ZNF609: variants seen among roughly 807,000 people sequenced by gnomAD.
The protein encoded by ZNF609 is zinc finger protein 609.
In ZNF609, 11 loss-of-function variants were observed where a neutral mutation model predicts 109.5. The ratio of observed to expected loss-of-function variants is 0.10; its 90% CI spans 0.06 to 0.17. The LOEUF (loss-of-function observed/expected upper bound fraction) is 0.17. ZNF609 is among the 10% of genes least tolerant of loss of function. The pLI is 1.00. For missense variants in ZNF609, 1,559 were observed against 1,772.4 expected (o/e 0.88, Z 2.16); for synonymous variants, 646 against 662.0 (o/e 0.98, Z 0.37).
At chr15:64,552,880 C>T (rs960057910) in intron 2 of ZNF609, among the ~76,000 whole-genome samples, 1 of 152,162 alleles carries the variant, frequency 6.6e-6, no homozygotes, top group Non-Finnish European at 1.5e-5. Context: ...CTCCTGGCCT[C>T]AAGCAGTCCT....
intron 2 of ZNF609, among the ~76,000 whole-genome samples, chr15:64,584,782 C>T (rs1895167389): frequency 1.3e-5 from 2 of 151,498 alleles, no homozygotes; most frequent in South Asian, 4.2e-4. Context: ...GTGCATGCCA[C>T]CACACCCAGC....
At chr15:64,463,834 G>T (rs923209570) in intron 1 of ZNF609, among the ~76,000 whole-genome samples, 5 of 152,222 alleles carry the variant, frequency 3.3e-5, no homozygotes, top group African/African-American at 1.2e-4. Context: ...TGAAGCCTCA[G>T]CTAAACTGAG....
At chr15:64,473,371 G>A (rs1294096146) in intron 1 of ZNF609, among the ~76,000 whole-genome samples, 2 of 150,946 alleles carry the variant, frequency 1.3e-5, no homozygotes, top group African/African-American at 2.4e-5. Flanking sequence ...GCTAATTTTT[G>A]TATTTTTAGT....
Position 64,680,205 on chromosome 15 carries a change from T to C in ZNF609, c.3790T>C (p.Tyr1264His). The change falls in exon 7 of 10, where the codon TAC (tyrosine) becomes CAC (histidine). Residue 1264 changes from tyrosine to histidine, a missense_variant. Physicochemically the swap from Tyr to His is moderately conservative, Grantham distance 83 (BLOSUM62 2). This residue lies in a region of ZNF609 where 1,204 missense variants were observed against 1,314.1 expected (regional missense o/e 0.92). Coordinates refer to ENST00000326648, the MANE Select transcript of ZNF609 (RefSeq NM_015042.2). Reference sequence around the variant, plus strand: ...CACAGGTTCCTACCTGCCTTCCAGCTACTCTTTTTCCCCATATGGCAGCAA... The same window carrying C: ...CACAGGTTCCTACCTGCCTTCCAGCCACTCTTTTTCCCCATATGGCAGCAA... Reference protein sequence around the residue: ...NYPGSYLPSSYSFSPYGSKVS... With the variant: ...NYPGSYLPSSHSFSPYGSKVS... The C allele has an allele frequency of 6.2e-7, 1 of 1,614,170 alleles. No homozygotes were observed. Among genetic ancestry groups the C allele is most frequent in the East Asian group, 2.2e-5 (1 of 44,884 alleles).
chr15:64,580,582 G>A (rs972156530), intron 2 of ZNF609, among the ~76,000 whole-genome samples: 5 of 144,970 alleles, frequency 3.4e-5, no homozygotes, highest in Non-Finnish European at 7.5e-5. Flanking sequence ...ACAGAGTCTC[G>A]TTCTGTCGCC....
intron 2 of ZNF609, among the ~76,000 whole-genome samples, chr15:64,521,756 A>G (rs1893894024): frequency 6.6e-6 from 1 of 152,232 alleles, no homozygotes; most frequent in Non-Finnish European, 1.5e-5. Context: ...TAAGGAGACC[A>G]GTAAGACCTG....
intron 3 of ZNF609, among the ~76,000 whole-genome samples, chr15:64,638,878 A>C (rs1021711560): frequency 5.3e-5 from 8 of 152,182 alleles, no homozygotes; most frequent in Non-Finnish European, 1.2e-4. Flanking sequence ...CCTAGGTGAC[A>C]GAGTGAGGCC....
chr15:64,564,366 CTTGTTATG>C (rs1894740581), intron 2 of ZNF609, among the ~76,000 whole-genome samples: 2 of 151,986 alleles, frequency 1.3e-5, no homozygotes, highest in Admixed American at 1.3e-4. Context: ...AGAGAAGCTG[CTTGTTATG>C]TAATCCACAT....
At chr15:64,529,343 C>T (rs1425476739) in intron 2 of ZNF609, 9 of 728,774 alleles carry the variant, frequency 1.2e-5, no homozygotes, top group Middle Eastern at 3.1e-4. Flanking sequence ...GCAAGTGAGC[C>T]CCAGCCTTCT....
chr15:64,659,920 T>C (rs1896549553), intron 3 of ZNF609, among the ~76,000 whole-genome samples: 2 of 151,618 alleles, frequency 1.3e-5, no homozygotes, highest in Non-Finnish European at 2.9e-5. Context: ...CTGCAACCTC[T>C]GCCTCCTGGG....
At chr15:64,561,758 G>T (rs1435274239) in intron 2 of ZNF609, among the ~76,000 whole-genome samples, 1 of 151,812 alleles carries the variant, frequency 6.6e-6, no homozygotes, top group Non-Finnish European at 1.5e-5. Flanking sequence ...AGAAACTTGT[G>T]CATACCAAGA....
In ZNF609 at chr15:64,592,961, C is replaced by T. The variant is rs951479604; in HGVS notation, c.748-29866C>T. 5.2e-5 allele frequency: 52 copies of T among 995,938 alleles called. No homozygotes were observed. The African/African-American group carries it at 7.9e-4, about 15-fold the overall frequency. 61.7% of individuals were successfully genotyped at this position (995,938 alleles called of 1,614,324 possible). A position where few individuals can be genotyped will look rare whatever the true frequency, so the allele number is the denominator to read the frequency against. On this transcript the variant is annotated intron_variant, in intron 2 of 9. Coordinates refer to ENST00000326648, the MANE Select transcript of ZNF609 (RefSeq NM_015042.2). ...AATAAAAATAATGTTTTTGCTCTCT[C>T]CGGTCCGTGCCTCCAAGATGACAAA...
chr15:64,681,375 G>C lies in ZNF609; in HGVS notation c.4229G>C (p.Arg1410Thr). The change falls in exon 9 of 10, where the codon AGG becomes ACG. Residue 1410 changes from arginine (R) to threonine (T), a missense_variant. This residue lies in a region of ZNF609 where 1,204 missense variants were observed against 1,314.1 expected (regional missense o/e 0.92). Coordinates refer to ENST00000326648, the MANE Select transcript of ZNF609 (RefSeq NM_015042.2). ...ACTCCCTCACTCTACCCACCCCCCAGGAGGTGAGAATGGTAAGTCACTTTT... is the reference window on the plus strand; with the variant it reads ...ACTCCCTCACTCTACCCACCCCCCACGAGGTGAGAATGGTAAGTCACTTTT... ...GSTPSLYPPP[R>T]R The C allele has an allele frequency of 1.2e-6, 2 of 1,613,960 alleles. No homozygotes were observed. Among genetic ancestry groups the C allele is most frequent in the Non-Finnish European group, 1.7e-6 (2 of 1,179,904 alleles).
chr15:64,564,184 G>A (rs1163094947), intron 2 of ZNF609, among the ~76,000 whole-genome samples: 1 of 151,684 alleles, frequency 6.6e-6, no homozygotes, highest in East Asian at 1.9e-4. Context: ...ACAAAGTTAG[G>A]CACTTCGTAG....
At chr15:64,582,723 C>CT (rs538806936) in intron 2 of ZNF609, among the ~76,000 whole-genome samples, 73,768 of 88,690 alleles carry the variant, frequency 0.83, 31,874 homozygotes, top group East Asian at 0.95. Context: ...TTTCTTTTTT[C>CT]TTTTTTTTTT....
rs577770130 is a variant in ZNF609 at position 64,625,972 on chromosome 15, A to T, written c.973+2920A>T. Among the ~76,000 whole-genome samples, 64 of 129,724 alleles carry T rather than the reference A, an allele frequency of 4.9e-4. 1 individual carries two copies. The Middle Eastern group carries it at 0.013, about 27-fold the overall frequency. The allele number at this position is 129,724 out of a possible 152,430, so 85.1% of individuals were successfully genotyped here. On this transcript the variant is annotated intron_variant, in intron 3 of 9. Transcript: ENST00000326648. Reference sequence around the variant, plus strand: ...AGAGAGAGAGAGAGAGAGAGAGAGGATATTAAAATATTGCTTGAACTTAGG... The same window carrying T: ...AGAGAGAGAGAGAGAGAGAGAGAGGTTATTAAAATATTGCTTGAACTTAGG...
chr15:64,467,714 G>A (rs1301857217), intron 1 of ZNF609, among the ~76,000 whole-genome samples: 2 of 152,082 alleles, frequency 1.3e-5, no homozygotes, highest in Admixed American at 6.5e-5. Flanking sequence ...GCATGGTGGC[G>A]CACGTCTGTA....
At chr15:64,613,915 A>G (rs959635176) in intron 2 of ZNF609, among the ~76,000 whole-genome samples, 1 of 151,230 alleles carries the variant, frequency 6.6e-6, no homozygotes, top group Admixed American at 6.6e-5. Context: ...CAAATAATTG[A>G]AGATTTTTTT....
At chr15:64,526,057 C>G (rs1049638925) in intron 2 of ZNF609, among the ~76,000 whole-genome samples, 1 of 150,814 alleles carries the variant, frequency 6.6e-6, no homozygotes. Flanking sequence ...CCCAAAGTGC[C>G]GGGATTACAA....
Sources: gnomAD v4.1 joint callset for allele counts (sites outside exome capture counted in the v4.1 genomes callset) on GRCh38, gnomAD v4.1.1 for gene constraint, gnomAD v4.1.1 regional missense constraint, MANE v1.5 for transcripts, NCBI Gene and HGNC (gene_info 2026-07-23, HGNC 2026-07-21) for gene names.